Variants in GRID2 observed in about 807,000 individuals in gnomAD.
GRID2 encodes glutamate receptor ionotropic, delta-2.
A neutral mutation model predicts 114.8 loss-of-function variants in GRID2; 33 were observed. The ratio of observed to expected loss-of-function variants is 0.29; its 90% CI spans 0.22 to 0.38. GRID2 has a LOEUF of 0.38. GRID2 is among the 10% of genes least tolerant of loss of function. GRID2 has a pLI of 1.00. For missense variants in GRID2, 1,184 were observed against 1,257.7 expected, an observed-to-expected ratio of 0.94 and a Z score of 0.89; for synonymous variants, 505 against 449.9, an observed-to-expected ratio of 1.12 and a Z score of -1.55.
chr4:93,251,748 A>C (rs1296965728), intron 8 of GRID2, among the ~76,000 whole-genome samples: 1 of 152,140 alleles, frequency 6.6e-6, no homozygotes, highest in East Asian at 1.9e-4. Flanking sequence ...CCCACTTATA[A>C]ATGAGAACAT....
At chr4:93,069,829 A>G (rs1247851998) in intron 2 of GRID2, among the ~76,000 whole-genome samples, 1 of 152,100 alleles carries the variant, frequency 6.6e-6, no homozygotes, top group Non-Finnish European at 1.5e-5. Flanking sequence ...CTGGAACTAA[A>G]AATCAAGATT....
In GRID2 at chr4:92,707,038, ATACT is replaced by A. The variant is rs756698190; in HGVS notation, c.244+116756_244+116759del. Among the ~76,000 whole-genome samples, 13 of 152,282 alleles carry A rather than the reference ATACT, an allele frequency of 8.5e-5. No homozygotes were observed. In the East Asian group the frequency reaches 9.7e-4, roughly 11 times the overall value. On this transcript the variant is annotated intron_variant, in intron 2 of 15. Coordinates refer to ENST00000282020, the MANE Select transcript of GRID2 (RefSeq NM_001510.4). ...ATTTTACACAGAATTAAAAATCTAA[ATACT>A]TACGCTAGAATTACTTTCCTCTTAA...
chr4:93,490,746 C>T lies in GRID2; in HGVS notation c.1966C>T (p.Leu656Phe). ...SSYTANLAAFLTITRIESSIQ... is the reference protein window; with the variant it reads ...SSYTANLAAFFTITRIESSIQ... Reference sequence around the variant, plus strand: ...TTACACGGCAAACCTCGCTGCTTTCCTCACTATTACACGCATTGAAAGTTC... The same window carrying T: ...TTACACGGCAAACCTCGCTGCTTTCTTCACTATTACACGCATTGAAAGTTC... The change falls in exon 12 of 16, where the codon CTC becomes TTC. Residue 656 changes from leucine to phenylalanine, a missense_variant. Leu to Phe is a conservative substitution (Grantham distance 22). This residue lies in a region of GRID2 where 717 missense variants were observed against 796.9 expected (regional missense o/e 0.90). Transcript: ENST00000282020. 7 of 1,610,588 alleles carry T rather than the reference C, an allele frequency of 4.3e-6. No individual in the cohort carries two copies. Among genetic ancestry groups the T allele is most frequent in the Non-Finnish European group, 5.9e-6 (7 of 1,177,472 alleles).
At chr4:93,164,398 A>T (rs938140118) in intron 4 of GRID2, among the ~76,000 whole-genome samples, 2 of 152,094 alleles carry the variant, frequency 1.3e-5, no homozygotes, top group Non-Finnish European at 2.9e-5. Flanking sequence ...GTTTTATTAC[A>T]AGACAAATTA....
At chr4:93,331,082 A>C (rs1758374376) in intron 8 of GRID2, among the ~76,000 whole-genome samples, 1 of 151,982 alleles carries the variant, frequency 6.6e-6, no homozygotes, top group Admixed American at 6.6e-5. Flanking sequence ...CATTGGCAAC[A>C]AAAACAAAAA....
chr4:92,598,030 T>C (rs891083787), intron 2 of GRID2, among the ~76,000 whole-genome samples: 1 of 152,164 alleles, frequency 6.6e-6, no homozygotes, highest in African/African-American at 2.4e-5. Flanking sequence ...TTAACACCTA[T>C]TTTTTGTTGT....
intron 4 of GRID2, among the ~76,000 whole-genome samples, chr4:93,197,407 G>C (rs1004251212): frequency 1.3e-5 from 2 of 152,120 alleles, no homozygotes; most frequent in African/African-American, 4.8e-5. Context: ...GTGTTTGCAT[G>C]ATAAGGATGT....
chr4:92,469,222 CT>C (rs1267294358), intron 1 of GRID2, among the ~76,000 whole-genome samples: 2 of 152,148 alleles, frequency 1.3e-5, no homozygotes, highest in African/African-American at 4.8e-5. Context: ...GTGTCAAGTG[CT>C]TTTATATTCT....
At chr4:92,918,258 C>G (rs1219925333) in intron 2 of GRID2, among the ~76,000 whole-genome samples, 1 of 152,070 alleles carries the variant, frequency 6.6e-6, no homozygotes, top group Non-Finnish European at 1.5e-5. Flanking sequence ...TGGGCTGAGA[C>G]GATGGGATTT....
At chr4:93,174,880 T>C (rs1360692117) in intron 4 of GRID2, among the ~76,000 whole-genome samples, 1 of 152,198 alleles carries the variant, frequency 6.6e-6, no homozygotes, top group Admixed American at 6.5e-5. Flanking sequence ...ACCCAGAGCC[T>C]CTGGGTTGCT....
intron 13 of GRID2, among the ~76,000 whole-genome samples, chr4:93,554,719 A>C (rs1578249452): frequency 6.6e-6 from 1 of 152,260 alleles, no homozygotes; most frequent in Admixed American, 6.5e-5. Context: ...CTCCTGCCTC[A>C]GCCTCAGTTA....
intron 11 of GRID2, among the ~76,000 whole-genome samples, chr4:93,461,011 A>C (rs1723689859): frequency 1.3e-5 from 2 of 152,134 alleles, no homozygotes; most frequent in Non-Finnish European, 2.9e-5. Flanking sequence ...GTTTTGGAGC[A>C]CACCCAGGAA....
At chr4:92,355,234 C>T (rs970957735) in intron 1 of GRID2, among the ~76,000 whole-genome samples, 9 of 151,840 alleles carry the variant, frequency 5.9e-5, no homozygotes, top group African/African-American at 1.7e-4. Flanking sequence ...TAAAAAGATA[C>T]ATAGCTCAGA....
rs73837379 is a variant in GRID2 at position 93,026,326 on chromosome 4, C to T, written c.245-58669C>T. Among the ~76,000 whole-genome samples the T allele has an allele frequency of 1.2e-3, 177 of 151,926 alleles. 1 individual carries two copies. Among genetic ancestry groups the T allele is most frequent in the African/African-American group, 4.1e-3 (169 of 41,516 alleles). On this transcript the variant is annotated intron_variant, in intron 2 of 15. Coordinates refer to ENST00000282020, the MANE Select transcript of GRID2 (RefSeq NM_001510.4). The stretch of plus-strand genomic sequence containing the variant: ...TTTATAGGGCATATTTGGCCTCACA[C>T]AATACTCTTAGCATAGAGAAACCTA...
intron 1 of GRID2, among the ~76,000 whole-genome samples, chr4:92,501,421 A>G (rs1013944241): frequency 1.3e-5 from 2 of 152,156 alleles, no homozygotes; most frequent in Non-Finnish European, 2.9e-5. Flanking sequence ...AGTGCTTTCA[A>G]TGTGCCCACA....
intron 14 of GRID2, among the ~76,000 whole-genome samples, chr4:93,627,369 A>G (rs898668919): frequency 9.9e-5 from 15 of 151,968 alleles, no homozygotes; most frequent in African/African-American, 2.7e-4. Context: ...TTTTGTGTGT[A>G]TGTTTTTTTT....
At chr4:93,486,747 A>G (rs933876860) in intron 11 of GRID2, among the ~76,000 whole-genome samples, 1 of 151,646 alleles carries the variant, frequency 6.6e-6, no homozygotes, top group Non-Finnish European at 1.5e-5. Context: ...TAATTTATTT[A>G]CCTTTTGAAT....
intron 12 of GRID2, among the ~76,000 whole-genome samples, chr4:93,502,922 G>T (rs1057334304): frequency 1.3e-5 from 2 of 152,048 alleles, no homozygotes; most frequent in African/African-American, 4.8e-5. Context: ...TTCTGAGAGG[G>T]ATGCTACAGA....
At chr4:92,417,710 A>G (rs762288201) in intron 1 of GRID2, among the ~76,000 whole-genome samples, 1 of 152,170 alleles carries the variant, frequency 6.6e-6, no homozygotes, top group African/African-American at 2.4e-5. Context: ...ATAAAATCAT[A>G]ATAGTTATTG....
Sources: allele counts gnomAD v4.1 joint callset (sites outside exome capture counted in the v4.1 genomes callset), GRCh38; gene constraint gnomAD v4.1.1; regional missense constraint gnomAD v4.1.1; transcripts MANE v1.5; gene names NCBI Gene and HGNC (gene_info 2026-07-23, HGNC 2026-07-21).